IL17B: variants seen among roughly 807,000 people sequenced by gnomAD.
IL17B encodes interleukin-17B.
Under a neutral mutation model 14.7 loss-of-function variants are expected in IL17B, and 14 were observed. The ratio of observed to expected loss-of-function variants is 0.95; its 90% CI spans 0.63 to 1.49. The LOEUF (loss-of-function observed/expected upper bound fraction) is 1.49, where lower values mean the gene tolerates loss of function less well. Ranked by LOEUF, IL17B falls within the 40% of genes most tolerant of loss-of-function variation. IL17B has a pLI of 0.00. For missense variants in IL17B, 233 were observed against 252.8 expected, an observed-to-expected ratio of 0.92 and a Z score of 0.53; for synonymous variants, 105 against 94.8, an observed-to-expected ratio of 1.11 and a Z score of -0.62.
chr5:149,387,054 G>A (rs1039481007), intron 1 of IL17B, among the ~76,000 whole-genome samples: 4 of 152,120 alleles, frequency 2.6e-5, no homozygotes, highest in East Asian at 1.9e-4. Flanking sequence ...TAACAGTATC[G>A]ATATTTTAGG....
chr5:149,398,631 G>C (rs1759143675), intron 1 of IL17B, among the ~76,000 whole-genome samples: 1 of 152,190 alleles, frequency 6.6e-6, no homozygotes, highest in East Asian at 1.9e-4. Flanking sequence ...TTGGGGCTGG[G>C]CCCAGTGGCT....
intron 2 of IL17B, 44 bp downstream of exon 2, chr5:149,376,692 G>T: frequency 6.4e-7 from 1 of 1,558,416 alleles, no homozygotes; most frequent in Non-Finnish European, 8.7e-7. Context: ...CACAGGAAAG[G>T]TCCCCACCCC....
At chr5:149,392,530 A>G (rs2127621378) in intron 1 of IL17B, among the ~76,000 whole-genome samples, 1 of 152,328 alleles carries the variant, frequency 6.6e-6, no homozygotes, top group East Asian at 1.9e-4. Context: ...GACTGTACAT[A>G]TGTATACTTG....
rs757247536 is a variant in IL17B at position 149,374,561 on chromosome 5, C to T, written c.351G>A (p.Pro117=). 54 of 1,612,916 alleles carry T rather than the reference C, an allele frequency of 3.3e-5. No individual in the cohort carries two copies. Among genetic ancestry groups the T allele is most frequent in the Non-Finnish European group, 4.5e-5 (53 of 1,179,656 alleles). The part of the protein sequence containing the change: ...HDPSRIPVDL[P]EARCLCLGCV... ...AGCCCAGACACAGGCACCGTGCCTC[C>T]GGCAGGTCCACGGGGATACGGCTGG... The change falls in exon 3 of 3, where the codon CCG becomes CCA. Residue 117 remains proline, a synonymous_variant. Transcript: ENST00000261796. The surrounding 1 kb of genome is among the most constrained non-coding windows in gnomAD (Gnocchi z 5.0).
At chr5:149,377,169 C>T (rs754397028) in intron 1 of IL17B, 144 bp from the exon 2 acceptor site, 10 of 638,856 alleles carry the variant, frequency 1.6e-5, no homozygotes, top group Non-Finnish European at 2.4e-5. Context: ...AGCTCTCCCT[C>T]CTCAGATTAC....
At chr5:149,392,248 AC>A (rs1758983968) in intron 1 of IL17B, among the ~76,000 whole-genome samples, 1 of 152,208 alleles carries the variant, frequency 6.6e-6, no homozygotes. Context: ...ATCACAAAGG[AC>A]TTTTACTTCT....
At chr5:149,403,403 T>C (rs1441399219) in intron 1 of IL17B, among the ~76,000 whole-genome samples, 1 of 152,120 alleles carries the variant, frequency 6.6e-6, no homozygotes, top group East Asian at 1.9e-4. Flanking sequence ...CAGCTTTCCA[T>C]GGTATGATGC....
At chr5:149,397,621 G>A (rs1187478182) in intron 1 of IL17B, among the ~76,000 whole-genome samples, 1 of 152,180 alleles carries the variant, frequency 6.6e-6, no homozygotes, top group African/African-American at 2.4e-5. Flanking sequence ...TACCAAATCT[G>A]TATTAGTCAG....
chr5:149,382,295 G>A (rs1159952818), upstream of IL17B, among the ~76,000 whole-genome samples: 1 of 152,048 alleles, frequency 6.6e-6, no homozygotes, highest in African/African-American at 2.4e-5. Flanking sequence ...CGGGGTCACC[G>A]ATTCCAGGTG....
At chr5:149,382,176 G>A (rs950613906), upstream of IL17B, among the ~76,000 whole-genome samples, 1 of 152,112 alleles carries the variant, frequency 6.6e-6, no homozygotes, top group Non-Finnish European at 1.5e-5. Flanking sequence ...GGGATGGGGC[G>A]AGTGGGTGGG....
At chr5:149,402,377 A>G (rs1384255377) in intron 1 of IL17B, among the ~76,000 whole-genome samples, 1 of 152,110 alleles carries the variant, frequency 6.6e-6, no homozygotes, top group Non-Finnish European at 1.5e-5. Context: ...ACTGGGCTAC[A>G]CCATTGTTCC....
intron 1 of IL17B, among the ~76,000 whole-genome samples, chr5:149,402,344 C>T (rs1000184978): frequency 2.6e-5 from 4 of 152,192 alleles, no homozygotes; most frequent in African/African-American, 9.6e-5. Flanking sequence ...CAATGCAAGC[C>T]TTTCCCACAA....
chr5:149,376,456 TC>T (rs1475294959), intron 2 of IL17B, among the ~76,000 whole-genome samples: 1 of 152,152 alleles, frequency 6.6e-6, no homozygotes, highest in Admixed American at 6.5e-5. Context: ...TGCAGGCACT[TC>T]CATGGAGACT....
At chr5:149,379,902 A>C (rs1758646710), upstream of IL17B, among the ~76,000 whole-genome samples, 1 of 152,138 alleles carries the variant, frequency 6.6e-6, no homozygotes, top group Non-Finnish European at 1.5e-5. Context: ...CCAGGGCTCT[A>C]TCCACCACCC....
chr5:149,380,691 G>A (rs895346820), upstream of IL17B, among the ~76,000 whole-genome samples: 3 of 152,228 alleles, frequency 2.0e-5, no homozygotes, highest in African/African-American at 7.2e-5. Context: ...CAGAGGAGGG[G>A]CATTGTGAAC....
upstream of IL17B, among the ~76,000 whole-genome samples, chr5:149,384,283 C>G (rs1218024565): frequency 3.3e-5 from 5 of 152,172 alleles, no homozygotes; most frequent in Non-Finnish European, 5.9e-5. Flanking sequence ...TGTCCACCCC[C>G]CTCACTTCAG....
chr5:149,397,284 C>A (rs972328182), intron 1 of IL17B, among the ~76,000 whole-genome samples: 2 of 152,184 alleles, frequency 1.3e-5, no homozygotes, highest in African/African-American at 2.4e-5. Context: ...ATTCTCCCAC[C>A]TCAGCCTCCC....
rs56268721 is a variant in IL17B, at chr5:149,390,587, G to GCACACACA, written n.95+13513_95+13520dup. ...TCACAGCACCTCCATCCCTGAGTTA[G>GCACACACA]CACACACACACACACACACACACAC... On this transcript the variant is annotated intron_variant and non_coding_transcript_variant, in intron 1 of 2. Coordinates refer to the IL17B transcript ENST00000505432. Among the ~76,000 whole-genome samples the GCACACACA allele has an allele frequency of 4.2e-3, 479 of 114,930 alleles. 3 individuals are homozygous for GCACACACA. The highest frequency in any genetic ancestry group is 0.012 in the African/African-American group (349 of 28,546). 75.4% of individuals were successfully genotyped at this position (114,930 alleles called of 152,430 possible). A position where few individuals can be genotyped will look rare whatever the true frequency, so the allele number is the denominator to read the frequency against.
At chr5:149,378,561 C>G (rs56103614) in intron 1 of IL17B, among the ~76,000 whole-genome samples, 2 of 152,376 alleles carry the variant, frequency 1.3e-5, no homozygotes, top group African/African-American at 2.4e-5. Flanking sequence ...CACCTCACAG[C>G]CCCACAGCCC....
Sources: allele counts gnomAD v4.1 joint callset (sites outside exome capture counted in the v4.1 genomes callset), GRCh38; gene constraint gnomAD v4.1.1; non-coding constraint Gnocchi (gnomAD v3.1); transcripts MANE v1.5; gene names NCBI Gene and HGNC (gene_info 2026-07-23, HGNC 2026-07-21).